Variants in SVOPL observed in about 807,000 individuals in gnomAD.
SVOPL encodes putative transporter SVOPL.
Under a neutral mutation model 61.0 loss-of-function variants are expected in SVOPL, and 60 were observed. The observed-to-expected ratio is 0.98, with a 90% CI of 0.80 to 1.22. The LOEUF is 1.22. SVOPL is among the 50% of genes most tolerant of loss of function. SVOPL has a pLI of 0.00. For synonymous variants in SVOPL, 279 were observed against 250.0 expected, an observed-to-expected ratio of 1.12 and a Z score of -1.09; for missense variants, 662 against 643.9, an observed-to-expected ratio of 1.03 and a Z score of -0.30.
At chr7:138,660,187 C>G in intron 5 of SVOPL, 199 bp from the exon 6 acceptor site, 1 of 1,343,902 alleles carries the variant, frequency 7.4e-7, no homozygotes, top group Non-Finnish European at 9.6e-7. Context: ...CCCAGACCTA[C>G]CAAGTTCAGA....
At chr7:138,700,679 AGGATGGATGGAT>A (rs35740951) in intron 1 of SVOPL, among the ~76,000 whole-genome samples, 4 of 148,822 alleles carry the variant, frequency 2.7e-5, no homozygotes, top group East Asian at 2.0e-4. Context: ...ACCCAGTAAG[AGGATGGATGGAT>A]GGATGGATGG....
chr7:138,634,968 A>G (rs1285631479), intron 9 of SVOPL, among the ~76,000 whole-genome samples: 1 of 152,108 alleles, frequency 6.6e-6, no homozygotes, highest in Non-Finnish European at 1.5e-5. Context: ...TGTCTCAGAA[A>G]TTTTAAAAGG....
At chr7:138,668,336 T>C (rs1312671578) in intron 4 of SVOPL, among the ~76,000 whole-genome samples, 2 of 152,190 alleles carry the variant, frequency 1.3e-5, no homozygotes, top group South Asian at 2.1e-4. Context: ...GCCAGCTCTG[T>C]GGGAATTACT....
chr7:138,596,204 AAAAG>A (rs1563076175), intron 15 of SVOPL, among the ~76,000 whole-genome samples: 2 of 151,598 alleles, frequency 1.3e-5, no homozygotes, highest in African/African-American at 2.4e-5. Flanking sequence ...AAAAAAAAAA[AAAAG>A]AAAGAAAAGT....
chr7:138,691,833 G>C (rs1409454871), intron 1 of SVOPL, among the ~76,000 whole-genome samples: 1 of 151,822 alleles, frequency 6.6e-6, no homozygotes, highest in African/African-American at 2.4e-5. Context: ...GAGCCACTGT[G>C]CCCAGCCCAA....
chr7:138,618,925 C>G (rs113520440), intron 14 of SVOPL, among the ~76,000 whole-genome samples: 2 of 152,084 alleles, frequency 1.3e-5, no homozygotes, highest in Non-Finnish European at 2.9e-5. Flanking sequence ...CAGGGCATTA[C>G]GGCCCCAGGA....
At chr7:138,648,339 G>A (rs531457590) in intron 8 of SVOPL, among the ~76,000 whole-genome samples, 177 of 152,036 alleles carry the variant, frequency 1.2e-3, no homozygotes, top group African/African-American at 4.0e-3. Context: ...GGCCTGGCGC[G>A]GTGGCTCATG....
intron 7 of SVOPL, among the ~76,000 whole-genome samples, chr7:138,654,523 G>T (rs536556965): frequency 1.7e-5 from 2 of 118,894 alleles, no homozygotes; most frequent in Non-Finnish European, 3.3e-5. Flanking sequence ...TTTTTGAGAC[G>T]GAGTCTCGCT....
chr7:138,657,044 CAA>C (rs11432091), intron 6 of SVOPL, among the ~76,000 whole-genome samples: 1 of 139,162 alleles, frequency 7.2e-6, no homozygotes, highest in African/African-American at 2.6e-5. Flanking sequence ...GTTGAAAAGA[CAA>C]AAAAAAAAAG....
rs773526790 is a variant in SVOPL at position 138,656,487 on chromosome 7, C to CA, written c.494dup (p.Leu165PhefsTer60). On this transcript the variant is annotated frameshift_variant, in exon 7 of 16. Transcript: ENST00000674285. LOFTEE classifies it high-confidence loss of function. ...ACATATAGCCTCGGTATTTCGTGGG[C>CA]AAAAATTCAGTCTTTATGATTAACC... 2.5e-6 allele frequency: 4 copies of CA among 1,613,754 alleles called. No individual in the cohort carries two copies. Among genetic ancestry groups the CA allele is most frequent in the Non-Finnish European group, 3.4e-6 (4 of 1,179,918 alleles).
Position 138,678,970 on chromosome 7 carries a change from C to T in SVOPL, c.76G>A (p.Val26Ile). The T allele has an allele frequency of 6.4e-7, 1 of 1,551,558 alleles. No homozygotes were observed. Among genetic ancestry groups the T allele is most frequent in the Non-Finnish European group, 8.7e-7 (1 of 1,146,918 alleles). ...KLSLGTAEPQ[V>I]KEPKTFTVED... is the part of the protein sequence containing the mutation. ...ACTTCTATGATAATCTCACCTTTAACCTGTGGCTCTGCGGTCCCCAGGCTC... is the reference window on the plus strand; with the variant it reads ...ACTTCTATGATAATCTCACCTTTAATCTGTGGCTCTGCGGTCCCCAGGCTC... Residue 26 changes from valine (V) to isoleucine (I), a missense_variant, in exon 2 of 16, where the codon GTT becomes ATT. Transcript: ENST00000674285.
At chr7:138,661,168 C>T (rs568006840) in intron 5 of SVOPL, 5 of 985,168 alleles carry the variant, frequency 5.1e-6, no homozygotes, top group South Asian at 4.7e-5. Flanking sequence ...TGTTTATGCT[C>T]AGAGAGGATT....
At chr7:138,688,003 A>T (rs35220324) in intron 1 of SVOPL, among the ~76,000 whole-genome samples, 34,758 of 151,876 alleles carry the variant, frequency 0.23, 4,403 homozygotes, top group African/African-American at 0.34. Flanking sequence ...AGGTTTCACC[A>T]TGTTGGCCAG....
intron 4 of SVOPL, among the ~76,000 whole-genome samples, chr7:138,664,438 A>C (rs1341126921): frequency 1.5e-5 from 2 of 131,800 alleles, no homozygotes; most frequent in African/African-American, 5.9e-5. Context: ...GGCACCCCGT[A>C]TCCTCCAGCA....
intron 7 of SVOPL, among the ~76,000 whole-genome samples, chr7:138,649,442 T>C (rs1659796): frequency 0.18 from 27,277 of 151,860 alleles, 2,921 homozygotes; most frequent in African/African-American, 0.29. Flanking sequence ...TATAGGCATG[T>C]GCCACCACGC....
At chr7:138,675,442 C>G (rs73164686) in intron 3 of SVOPL, among the ~76,000 whole-genome samples, 1 of 152,158 alleles carries the variant, frequency 6.6e-6, no homozygotes, top group Non-Finnish European at 1.5e-5. Context: ...CAACCTCCAT[C>G]TCCCGGGTTC....
At chr7:138,637,584 A>C (rs1289724439) in intron 9 of SVOPL, among the ~76,000 whole-genome samples, 1 of 152,056 alleles carries the variant, frequency 6.6e-6, no homozygotes, top group Non-Finnish European at 1.5e-5. Flanking sequence ...ATGTGGATAT[A>C]ACAAAGCTAA....
chr7:138,664,426 C>G (rs1031860648), intron 4 of SVOPL, among the ~76,000 whole-genome samples: 7 of 149,620 alleles, frequency 4.7e-5, no homozygotes, highest in Admixed American at 1.3e-4. Flanking sequence ...GCCTAACCCT[C>G]TGGCACCCCG....
chr7:138,650,073 G>A (rs540721673), intron 7 of SVOPL, among the ~76,000 whole-genome samples: 1 of 152,018 alleles, frequency 6.6e-6, no homozygotes, highest in African/African-American at 2.4e-5. Context: ...CTCGTGATCT[G>A]CCCACCTTGG....
Sources: allele counts gnomAD v4.1 joint callset (sites outside exome capture counted in the v4.1 genomes callset), GRCh38; gene constraint gnomAD v4.1.1; transcripts MANE v1.5; gene names NCBI Gene and HGNC (gene_info 2026-07-23, HGNC 2026-07-21).